The following ZYG11B variants were observed in gnomAD, a reference collection of about 807,000 sequenced individuals.
ZYG11B encodes the protein protein zyg-11 homolog B.
In ZYG11B, 36 loss-of-function variants were observed where a neutral mutation model predicts 82.4. The ratio of observed to expected loss-of-function variants is 0.44; its 90% confidence interval spans 0.33 to 0.58. The LOEUF (loss-of-function observed/expected upper bound fraction) is 0.58. Ranked by LOEUF, ZYG11B falls within the 20% of genes least tolerant of loss-of-function variation. ZYG11B has a pLI of 0.02. For missense variants in ZYG11B, 552 were observed against 895.6 expected (o/e 0.62, Z 4.90); for synonymous variants, 303 against 312.8 (o/e 0.97, Z 0.33).
intron 1 of ZYG11B, among the ~76,000 whole-genome samples, chr1:52,728,515 C>T (rs1644303517): frequency 6.6e-6 from 1 of 152,184 alleles, no homozygotes; most frequent in African/African-American, 2.4e-5. Context: ...ACCTTGGCCT[C>T]CCAAAGTGCT....
rs1645283086 is a variant in ZYG11B, at chr1:52,821,444, A to G, written c.2050A>G (p.Arg684Gly). The part of the protein sequence containing the change: ...MQHVCSKNPS[R>G]YCSMLIEEGG... ...TGTTTTTTTTTCTTTTTCAGCTTCA[A>G]GGTATTGCAGCATGCTGATTGAAGA... The change falls in exon 14 of 14, where the codon AGG becomes GGG. Residue 684 changes from arginine (R) to glycine (G), a missense_variant. Arg to Gly is a moderately radical substitution (Grantham distance 125). This residue lies in a region of ZYG11B where 127 missense variants were observed against 163.4 expected (regional missense o/e 0.78). Coordinates refer to ENST00000294353, the MANE Select transcript of ZYG11B (RefSeq NM_024646.3). The G allele has an allele frequency of 2.0e-6, 3 of 1,536,996 alleles. No homozygotes were observed. Among genetic ancestry groups the G allele is most frequent in the Non-Finnish European group, 1.8e-6 (2 of 1,136,442 alleles).
intron 12 of ZYG11B, 67 bp downstream of exon 12, chr1:52,813,979 C>T: frequency 6.9e-7 from 1 of 1,452,164 alleles, no homozygotes. Flanking sequence ...AGAGTCATTC[C>T]TACTAGATGC....
chr1:52,821,331 A>G, intron 13 of ZYG11B, 108 bp from the exon 14 acceptor site: 1 of 1,136,650 alleles, frequency 8.8e-7, no homozygotes, highest in Non-Finnish European at 1.2e-6. Flanking sequence ...ATAACAAAAC[A>G]GCTAAAAAAA....
chr1:52,770,141 G>T lies in ZYG11B; in HGVS notation c.197-879G>T, dbSNP rs1175234532. Among the ~76,000 whole-genome samples, 6 of 145,756 alleles carry T rather than the reference G, an allele frequency of 4.1e-5. No homozygotes were observed. The East Asian group carries it at 1.2e-3, about 29-fold the overall frequency. On this transcript the variant is annotated intron_variant, in intron 2 of 13. Coordinates refer to ENST00000294353, the MANE Select transcript of ZYG11B (RefSeq NM_024646.3). Reference sequence around the variant, plus strand: ...GGTTCTCACTCTGTCACCCAGGCTGGTGTGCAATGGTGCAATCATAATTCA... The same window carrying T: ...GGTTCTCACTCTGTCACCCAGGCTGTTGTGCAATGGTGCAATCATAATTCA...
intron 1 of ZYG11B, among the ~76,000 whole-genome samples, chr1:52,728,885 G>A (rs1644307012): frequency 6.6e-6 from 1 of 151,884 alleles, no homozygotes; most frequent in Non-Finnish European, 1.5e-5. Flanking sequence ...AAGAAAGAAA[G>A]TAGGAAGGAA....
intron 2 of ZYG11B, among the ~76,000 whole-genome samples, chr1:52,757,393 G>A (rs998012719): frequency 3.3e-5 from 5 of 151,814 alleles, no homozygotes; most frequent in African/African-American, 2.4e-5. Flanking sequence ...ACCTTACATC[G>A]GGCCGGGCGT....
chr1:52,824,662 T>A lies in ZYG11B; in HGVS notation c.*3033T>A, dbSNP rs1029632379. 1 of 151,934 alleles carries A rather than the reference T, an allele frequency of 6.6e-6. No homozygotes were observed. Among genetic ancestry groups the A allele is most frequent in the Non-Finnish European group, 1.5e-5 (1 of 67,980 alleles). 9.4% of individuals were successfully genotyped at this position (151,934 alleles called of 1,614,324 possible). ...TCAAAAAAAAAAAAAGCATAATAAT[T>A]TATTACATCCCAAATATATAAAAAT... On this transcript the variant is annotated 3_prime_UTR_variant, in exon 14 of 14. Transcript: ENST00000294353.
chr1:52,736,943 C>T (rs184701771), intron 1 of ZYG11B, among the ~76,000 whole-genome samples: 9 of 151,996 alleles, frequency 5.9e-5, no homozygotes, highest in Non-Finnish European at 1.0e-4. Context: ...TTTTTTACTG[C>T]TTTAGCCTTA....
chr1:52,818,431 C>T (rs374584256), intron 13 of ZYG11B, among the ~76,000 whole-genome samples: 2 of 151,772 alleles, frequency 1.3e-5, no homozygotes, highest in East Asian at 3.9e-4. Context: ...GCTGTGATGG[C>T]ACCATGCACT....
intron 3 of ZYG11B, among the ~76,000 whole-genome samples, chr1:52,773,941 C>T (rs1644781198): frequency 6.6e-6 from 1 of 151,624 alleles, no homozygotes; most frequent in African/African-American, 2.4e-5. Flanking sequence ...CCACCCTCGG[C>T]CTGGTTTCTC....
rs1558144067 is a variant in ZYG11B at position 52,813,946 on chromosome 1, A to G, written c.1946+34A>G. The G allele has an allele frequency of 2.5e-6, 4 of 1,604,414 alleles. No individual in the cohort carries two copies. In the African/African-American group the frequency reaches 5.3e-5, roughly 21 times the overall value. On this transcript the variant is annotated intron_variant, in intron 12 of 13. Transcript: ENST00000294353. Reference sequence around the variant, plus strand: ...TATCATAATTAACAGTAAACCAGCAACCTAGTCTAGAGATCATTCCTAAGA... The same window carrying G: ...TATCATAATTAACAGTAAACCAGCAGCCTAGTCTAGAGATCATTCCTAAGA...
intron 10 of ZYG11B, among the ~76,000 whole-genome samples, chr1:52,809,899 ATAT>A (rs1179332178): frequency 6.6e-6 from 1 of 152,122 alleles, no homozygotes; most frequent in Admixed American, 6.6e-5. Context: ...AGTTCTCTAT[ATAT>A]TCTGGATATT....
intron 1 of ZYG11B, among the ~76,000 whole-genome samples, chr1:52,742,648 C>T (rs1341806429): frequency 6.6e-6 from 1 of 151,988 alleles, no homozygotes; most frequent in Non-Finnish European, 1.5e-5. Flanking sequence ...CGAGATCGTC[C>T]TGGCTAACAT....
chr1:52,772,333 C>G lies in ZYG11B; in HGVS notation c.951+559C>G. The stretch of plus-strand genomic sequence containing the variant: ...ATGGAATTTAGCATCCTTATCCTTT[C>G]TGTTCCTCTCAAGATGCTTTGAACA... On this transcript the variant is annotated intron_variant, in intron 3 of 13. Transcript: ENST00000294353. 2.7e-6 allele frequency: 4 copies of G among 1,467,380 alleles called. No individual in the cohort carries two copies. The Admixed American group carries it at 5.0e-5, about 18-fold the overall frequency. The allele number at this position is 1,467,380 out of a possible 1,614,324, so 90.9% of individuals were successfully genotyped here.
intron 1 of ZYG11B, among the ~76,000 whole-genome samples, chr1:52,734,204 G>A (rs1259044538): frequency 6.6e-6 from 1 of 151,824 alleles, no homozygotes; most frequent in Non-Finnish European, 1.5e-5. Context: ...AGATTATGTT[G>A]CCAGGCTGGT....
chr1:52,797,126 T>TACAA (rs1645022828), intron 8 of ZYG11B, among the ~76,000 whole-genome samples: 1 of 67,962 alleles, frequency 1.5e-5, no homozygotes, highest in Non-Finnish European at 2.1e-5. Flanking sequence ...ATATTATATA[T>TACAA]TATATATTTA....
chr1:52,804,474 G>A (rs1645124580), intron 10 of ZYG11B, among the ~76,000 whole-genome samples: 1 of 152,018 alleles, frequency 6.6e-6, no homozygotes, highest in South Asian at 2.1e-4. Context: ...TTAGCCAGGT[G>A]TGCTGGTACA....
chr1:52,768,869 T>G (rs6667028), intron 2 of ZYG11B, among the ~76,000 whole-genome samples: 1 of 151,996 alleles, frequency 6.6e-6, no homozygotes, highest in African/African-American at 2.4e-5. Flanking sequence ...GCTGGCATTA[T>G]AGGCATGAGC....
At position 52,821,420 on chromosome 1, in the gene ZYG11B, G is replaced by A; in HGVS notation, c.2045-19G>A. 6.7e-7 allele frequency: 1 copy of A among 1,498,914 alleles called. No homozygotes were observed. The highest frequency in any genetic ancestry group is 9.0e-7 in the Non-Finnish European group (1 of 1,114,488). The allele number at this position is 1,498,914 out of a possible 1,614,324, so 92.9% of individuals were successfully genotyped here. The stretch of plus-strand genomic sequence containing the variant: ...AAGCTATTTCTCCTGTTTTGTGTGT[G>A]TTTTTTTTTCTTTTTCAGCTTCAAG... On this transcript the variant is annotated intron_variant, in intron 13 of 13. Transcript: ENST00000294353.
Sources: gnomAD v4.1 joint callset for allele counts (sites outside exome capture counted in the v4.1 genomes callset) on GRCh38, gnomAD v4.1.1 for gene constraint, gnomAD v4.1.1 regional missense constraint, MANE v1.5 for transcripts, NCBI Gene and HGNC (gene_info 2026-07-23, HGNC 2026-07-21) for gene names.